Variants in KCNK13 observed in about 807,000 individuals in gnomAD.
KCNK13 encodes the protein potassium channel subfamily K member 13.
Under a neutral mutation model 23.4 loss-of-function variants are expected in KCNK13, and 12 were observed. The ratio of observed to expected loss-of-function variants is 0.51; its 90% CI spans 0.33 to 0.83. KCNK13 has a LOEUF of 0.83. Ranked by LOEUF, KCNK13 falls within the 40% of genes least tolerant of loss-of-function variation. The pLI is 0.02. For missense variants in KCNK13, 463 were observed against 556.3 expected, an observed-to-expected ratio of 0.83 and a Z score of 1.69; for synonymous variants, 231 against 229.5, an observed-to-expected ratio of 1.01 and a Z score of -0.06.
At chr14:90,127,706 C>T (rs375599658) in intron 1 of KCNK13, among the ~76,000 whole-genome samples, 3 of 148,686 alleles carry the variant, frequency 2.0e-5, no homozygotes, top group East Asian at 2.0e-4. Flanking sequence ...GTAGTCCCAA[C>T]TACTCATAAG....
At chr14:90,173,348 C>T (rs765866808) in intron 1 of KCNK13, among the ~76,000 whole-genome samples, 2 of 152,034 alleles carry the variant, frequency 1.3e-5, no homozygotes, top group African/African-American at 2.4e-5. Flanking sequence ...CGGAGTGAGA[C>T]CCCACCTCTA....
intron 1 of KCNK13, among the ~76,000 whole-genome samples, chr14:90,114,501 G>A (rs1889652064): frequency 6.6e-6 from 1 of 152,190 alleles, no homozygotes; most frequent in Non-Finnish European, 1.5e-5. Context: ...TGAGAAAATG[G>A]TGTCAACCTA....
Position 90,184,026 on chromosome 14 carries a change from C to A in KCNK13, c.335-85C>A. 1 of 1,200,374 alleles carries A rather than the reference C, an allele frequency of 8.3e-7. No individual in the cohort carries two copies. Among genetic ancestry groups the A allele is most frequent in the Non-Finnish European group, 1.2e-6 (1 of 842,010 alleles). The allele number at this position is 1,200,374 out of a possible 1,614,324, so 74.4% of individuals were successfully genotyped here. On this transcript the variant is annotated intron_variant, in intron 1 of 1. Coordinates refer to ENST00000282146, the MANE Select transcript of KCNK13 (RefSeq NM_022054.4). This position sits in a 1 kb window ranked among gnomAD's most constrained non-coding sequence, Gnocchi z 5.6. ...TGATTTTATGAAACTCTCTTTAGGT[C>A]CTTTGCCAGCCATCAAAGCCAAGAC... is the stretch of plus-strand genomic sequence containing the variant.
Position 90,069,167 on chromosome 14 carries a change from G to A in KCNK13, c.334+6628G>A, listed in dbSNP as rs1889045235. On this transcript the variant is annotated intron_variant, in intron 1 of 1. Coordinates refer to ENST00000282146, the MANE Select transcript of KCNK13 (RefSeq NM_022054.4). ...TTCTCTTGCCTCAGCCTCCTGAGTA[G>A]CTGGGATTACAGGTGCCTGCCACCA... Among the ~76,000 whole-genome samples, 4 of 150,284 alleles carry A rather than the reference G, an allele frequency of 2.7e-5. No individual in the cohort carries two copies. In the South Asian group the frequency reaches 8.4e-4, roughly 32 times the overall value.
intron 1 of KCNK13, among the ~76,000 whole-genome samples, chr14:90,117,977 G>A (rs373700192): frequency 4.6e-5 from 7 of 152,306 alleles, no homozygotes; most frequent in African/African-American, 1.7e-4. Context: ...CAACAGGTGA[G>A]TTCGATTGCT....
chr14:90,134,618 G>A (rs1043322503), intron 1 of KCNK13, among the ~76,000 whole-genome samples: 4 of 152,196 alleles, frequency 2.6e-5, no homozygotes, highest in Non-Finnish European at 4.4e-5. Flanking sequence ...TAACTCTTAT[G>A]TGCTAAGTGC....
intron 1 of KCNK13, among the ~76,000 whole-genome samples, chr14:90,176,934 C>G (rs1026181893): frequency 6.6e-6 from 1 of 152,158 alleles, no homozygotes; most frequent in Non-Finnish European, 1.5e-5. Context: ...GCAGAAGAAG[C>G]ACTTGAACCC....
intron 1 of KCNK13, among the ~76,000 whole-genome samples, chr14:90,083,085 C>A (rs1889232514): frequency 6.6e-6 from 1 of 152,156 alleles, no homozygotes; most frequent in African/African-American, 2.4e-5. Context: ...TGTTCAGATT[C>A]TTTGCCCATC....
chr14:90,116,911 T>A (rs1243252437), intron 1 of KCNK13, among the ~76,000 whole-genome samples: 1 of 152,194 alleles, frequency 6.6e-6, no homozygotes, highest in Non-Finnish European at 1.5e-5. Context: ...ATTTAGAGAA[T>A]CTATTTCAAG....
Position 90,157,477 on chromosome 14 carries a change from C to T in KCNK13, c.335-26634C>T, listed in dbSNP as rs145120536. Among the ~76,000 whole-genome samples, 543 of 152,200 alleles carry T rather than the reference C, an allele frequency of 3.6e-3. 8 individuals carry two copies. The highest frequency in any genetic ancestry group is 0.012 in the African/African-American group (514 of 41,518). On this transcript the variant is annotated intron_variant, in intron 1 of 1. Transcript: ENST00000282146. ...GTGGTGCAGTCATAGCTCACTGCAGCCTTAAACTCCTGGGCTCAAGAAATC... is the reference window on the plus strand; with the variant it reads ...GTGGTGCAGTCATAGCTCACTGCAGTCTTAAACTCCTGGGCTCAAGAAATC...
chr14:90,141,803 G>GT lies in KCNK13; in HGVS notation c.335-42308_335-42307insT, dbSNP rs1370331074. On this transcript the variant is annotated intron_variant, in intron 1 of 1. Coordinates refer to ENST00000282146, the MANE Select transcript of KCNK13 (RefSeq NM_022054.4). ...GTTTTGTTTTGTTTTTTGGGGGGGG[G>GT]GACGGAGCCTTGCTCTGTCACCCAG... is the stretch of plus-strand genomic sequence containing the variant. Among the ~76,000 whole-genome samples the GT allele has an allele frequency of 5.6e-4, 80 of 143,990 alleles. 3 individuals carry two copies. The highest frequency in any genetic ancestry group is 1.9e-3 in the African/African-American group (74 of 38,804). The allele number at this position is 143,990 out of a possible 152,430, so 94.5% of individuals were successfully genotyped here.
At chr14:90,139,079 G>C (rs934190630) in intron 1 of KCNK13, among the ~76,000 whole-genome samples, 9 of 152,212 alleles carry the variant, frequency 5.9e-5, no homozygotes, top group African/African-American at 2.2e-4. Context: ...CATGGGACCA[G>C]TGTGGTTCAG....
intron 1 of KCNK13, among the ~76,000 whole-genome samples, chr14:90,143,145 A>AACTAACTT (rs1555352117): frequency 1.2e-4 from 5 of 42,580 alleles, no homozygotes; most frequent in African/African-American, 3.6e-4. Context: ...GAAGAGCAGA[A>AACTAACTT]ACTTTCTTTC....
intron 1 of KCNK13, among the ~76,000 whole-genome samples, chr14:90,179,419 G>A (rs1209615507): frequency 6.6e-6 from 1 of 152,106 alleles, no homozygotes; most frequent in Non-Finnish European, 1.5e-5. Context: ...CTCTTCATGG[G>A]CTGAGTGAAG....
intron 1 of KCNK13, among the ~76,000 whole-genome samples, chr14:90,162,321 C>A (rs562084909): frequency 3.9e-5 from 6 of 152,080 alleles, no homozygotes; most frequent in African/African-American, 1.4e-4. Context: ...AGTGACATTT[C>A]GGGAGAGTGG....
At chr14:90,150,293 G>A (rs921353032) in intron 1 of KCNK13, among the ~76,000 whole-genome samples, 1 of 152,078 alleles carries the variant, frequency 6.6e-6, no homozygotes, top group African/African-American at 2.4e-5. Context: ...TACAGCCCAT[G>A]TGCTTAACTA....
intron 1 of KCNK13, among the ~76,000 whole-genome samples, chr14:90,111,757 C>G (rs1209063811): frequency 6.6e-6 from 1 of 152,218 alleles, no homozygotes; most frequent in South Asian, 2.1e-4. Context: ...TCTGTGCAGG[C>G]AGTTGCTTAC....
At chr14:90,150,901 C>A (rs550013894) in intron 1 of KCNK13, among the ~76,000 whole-genome samples, 1 of 152,054 alleles carries the variant, frequency 6.6e-6, no homozygotes, top group Non-Finnish European at 1.5e-5. Context: ...ATCACTTGAG[C>A]CCAGGAGGCA....
At chr14:90,159,946 GGTGTGT>G (rs3060015) in intron 1 of KCNK13, among the ~76,000 whole-genome samples, 36,202 of 148,234 alleles carry the variant, frequency 0.24, 5,483 homozygotes, top group East Asian at 0.64. Context: ...TGTGTGTAGG[GGTGTGT>G]GTGTGTGTGT....
Sources: allele counts gnomAD v4.1 joint callset (sites outside exome capture counted in the v4.1 genomes callset), GRCh38; gene constraint gnomAD v4.1.1; non-coding constraint Gnocchi (gnomAD v3.1); transcripts MANE v1.5; gene names NCBI Gene and HGNC (gene_info 2026-07-23, HGNC 2026-07-21).